IQCK: variants seen among roughly 807,000 people sequenced by gnomAD.
IQCK encodes IQ domain-containing protein K.
In IQCK, 29 loss-of-function variants were observed where a neutral mutation model predicts 28.1. That is an observed-to-expected ratio of 1.03 (90% confidence interval 0.77 to 1.41). IQCK has a LOEUF of 1.41. Ranked by LOEUF, IQCK falls within the 40% of genes most tolerant of loss-of-function variation. The pLI is 0.00. For synonymous variants in IQCK, 113 were observed against 115.1 expected (o/e 0.98, Z 0.12); for missense variants, 359 against 314.7 (o/e 1.14, Z -1.07).
intron 9 of IQCK, among the ~76,000 whole-genome samples, chr16:19,852,600 C>A (rs2056497101): frequency 6.6e-6 from 1 of 151,336 alleles, no homozygotes; most frequent in Non-Finnish European, 1.5e-5. Context: ...TTATTCCGTG[C>A]CTCTCATCTT....
At chr16:19,742,994 C>A (rs1381860609) in intron 4 of IQCK, among the ~76,000 whole-genome samples, 1 of 152,110 alleles carries the variant, frequency 6.6e-6, no homozygotes, top group Non-Finnish European at 1.5e-5. Flanking sequence ...CATGGCAAAA[C>A]CCTGTCTCTA....
chr16:19,763,956 T>G (rs1174561043), intron 5 of IQCK, 56 bp downstream of exon 5: 1 of 1,596,292 alleles, frequency 6.3e-7, no homozygotes, highest in East Asian at 2.2e-5. Context: ...CGTGTTAATT[T>G]GCAAGCAGAA....
chr16:19,762,430 A>G lies in IQCK; in HGVS notation c.475-1418A>G, dbSNP rs191196460. ...TAAATTTAAATAACAAAATCCTGCA[A>G]TTCCAAAAGCATGTAGTAAGCCTCG... On this transcript the variant is annotated intron_variant, in intron 4 of 7. Coordinates refer to ENST00000564186, the Ensembl canonical transcript of IQCK. Among the ~76,000 whole-genome samples, 305 of 152,332 alleles carry G rather than the reference A, an allele frequency of 2.0e-3. 2 individuals carry two copies. Among genetic ancestry groups the G allele is most frequent in the Non-Finnish European group, 3.1e-3 (214 of 68,030 alleles).
At chr16:19,718,323 A>G in exon 1 of IQCK, 6 of 1,608,240 alleles carry the variant, frequency 3.7e-6, no homozygotes, top group Non-Finnish European at 5.1e-6. Context: ...GCACCGCGGC[A>G]AATCCCCAGC....
chr16:19,719,219 T>TG (rs998775655), intron 1 of IQCK, among the ~76,000 whole-genome samples: 32 of 152,236 alleles, frequency 2.1e-4, no homozygotes, highest in African/African-American at 7.7e-4. Flanking sequence ...AAAGGATTAT[T>TG]GGGGAAAAAA....
intron 1 of IQCK, among the ~76,000 whole-genome samples, chr16:19,727,974 G>T (rs1052906415): frequency 1.2e-4 from 18 of 152,036 alleles, no homozygotes; most frequent in Non-Finnish European, 2.9e-5. Context: ...TCTAGGTGTG[G>T]CTGTCAGAAG....
chr16:19,776,800 G>T (rs955963554), intron 6 of IQCK, among the ~76,000 whole-genome samples: 16 of 152,094 alleles, frequency 1.1e-4, no homozygotes, highest in Non-Finnish European at 4.4e-5. Context: ...TTTTAACAGG[G>T]GTAGATGATG....
At chr16:19,805,881 G>A (rs1338361104) in intron 7 of IQCK, among the ~76,000 whole-genome samples, 1 of 151,976 alleles carries the variant, frequency 6.6e-6, no homozygotes, top group African/African-American at 2.4e-5. Flanking sequence ...GGGGGGCTAG[G>A]GAATGGGTGC....
chr16:19,764,101 G>T (rs752939889), exon 6 of IQCK: 1 of 1,611,712 alleles, frequency 6.2e-7, no homozygotes, highest in African/African-American at 1.3e-5. Flanking sequence ...TGGAGGAGCG[G>T]CTAAAGCAAC....
chr16:19,809,351 G>T (rs930960447), intron 7 of IQCK, among the ~76,000 whole-genome samples: 1 of 152,156 alleles, frequency 6.6e-6, no homozygotes, highest in Admixed American at 6.5e-5. Flanking sequence ...ACCTAGACTC[G>T]ATCATGTAGC....
At chr16:19,778,317 G>C (rs2055424948) in intron 6 of IQCK, among the ~76,000 whole-genome samples, 1 of 152,110 alleles carries the variant, frequency 6.6e-6, no homozygotes. Flanking sequence ...CCCTTATCCT[G>C]TGGGCTCCCT....
intron 4 of IQCK, among the ~76,000 whole-genome samples, chr16:19,756,825 A>C (rs1012071478): frequency 2.7e-5 from 4 of 148,952 alleles, no homozygotes; most frequent in African/African-American, 1.0e-4. Context: ...TGAACCCGGG[A>C]GGCAGAGCTT....
At chr16:19,830,279 C>A (rs1436881810), downstream of IQCK, among the ~76,000 whole-genome samples, 1 of 152,208 alleles carries the variant, frequency 6.6e-6, no homozygotes, top group Non-Finnish European at 1.5e-5. Flanking sequence ...GTGCAGCATG[C>A]CTATTTCTTT....
At chr16:19,841,742 C>G (rs1342594044) in intron 9 of IQCK, among the ~76,000 whole-genome samples, 1 of 152,114 alleles carries the variant, frequency 6.6e-6, no homozygotes, top group Non-Finnish European at 1.5e-5. Context: ...GCATCCCTCT[C>G]GCTGGATTCC....
intron 6 of IQCK, among the ~76,000 whole-genome samples, chr16:19,775,195 G>A (rs2151721224): frequency 6.7e-6 from 1 of 148,732 alleles, no homozygotes; most frequent in East Asian, 2.0e-4. Flanking sequence ...CCACTGTACT[G>A]CAGCCTGGGC....
At chr16:19,740,922 C>T (rs912914053) in intron 4 of IQCK, among the ~76,000 whole-genome samples, 5 of 150,120 alleles carry the variant, frequency 3.3e-5, no homozygotes, top group Admixed American at 1.3e-4. Flanking sequence ...GAGCCAAGAT[C>T]GTGCCACTGC....
In IQCK at chr16:19,852,747, C is replaced by T. The variant is rs1488571899; in HGVS notation, c.803-3740C>T. On this transcript the variant is annotated intron_variant, in intron 9 of 9. Transcript: ENST00000320394. ...ACGCCATTCTCCTGCCTCAGCCTCC[C>T]GAGTAGCTGGGACTACAGGTGCCCG... Among the ~76,000 whole-genome samples the T allele has an allele frequency of 2.6e-5, 4 of 151,774 alleles. 1 individual carries two copies. The highest frequency in any genetic ancestry group is 4.2e-4 in the South Asian group (2 of 4,780).
intron 7 of IQCK, among the ~76,000 whole-genome samples, chr16:19,814,220 CAAAAAAAAAA>C (rs71146272): frequency 2.1e-4 from 4 of 19,436 alleles, no homozygotes; most frequent in Non-Finnish European, 4.2e-4. Flanking sequence ...AACTCTATCT[CAAAAAAAAAA>C]AAAAAAAAAA....
intron 4 of IQCK, among the ~76,000 whole-genome samples, chr16:19,760,194 C>G (rs1205506823): frequency 6.6e-6 from 1 of 152,110 alleles, no homozygotes; most frequent in Non-Finnish European, 1.5e-5. Context: ...CTGGAGGCAT[C>G]ATGAAGGATA....
Sources: allele counts gnomAD v4.1 joint callset (sites outside exome capture counted in the v4.1 genomes callset), GRCh38; gene constraint gnomAD v4.1.1; transcripts MANE v1.5; gene names NCBI Gene and HGNC (gene_info 2026-07-23, HGNC 2026-07-21).